Variants in RPTOR observed in about 807,000 individuals in gnomAD.
RPTOR encodes the protein regulatory-associated protein of mTOR.
Under a neutral mutation model 169.9 loss-of-function variants are expected in RPTOR, and 21 were observed. The ratio of observed to expected loss-of-function variants is 0.12; its 90% confidence interval spans 0.09 to 0.18. The LOEUF is 0.18. RPTOR is among the 10% of genes least tolerant of loss of function. RPTOR has a pLI of 1.00. For missense variants in RPTOR, 1,133 were observed against 1,855.9 expected, an observed-to-expected ratio of 0.61 and a Z score of 7.16; for synonymous variants, 732 against 753.2, an observed-to-expected ratio of 0.97 and a Z score of 0.46.
chr17:80,602,360 CTGGG>C (rs2065194403), intron 1 of RPTOR, among the ~76,000 whole-genome samples: 1 of 64,284 alleles, frequency 1.6e-5, no homozygotes, highest in African/African-American at 7.8e-5. Context: ...GGGCGGCTGG[CTGGG>C]CAGGGGGGCT....
chr17:80,905,405 T>A (rs2068527899), intron 20 of RPTOR, among the ~76,000 whole-genome samples: 1 of 144,350 alleles, frequency 6.9e-6, no homozygotes, highest in Non-Finnish European at 1.5e-5. Context: ...CCTAACACGG[T>A]GAAACCCGTC....
chr17:80,884,992 C>T lies in RPTOR; in HGVS notation c.1843-16C>T. On this transcript the variant is annotated splice_polypyrimidine_tract_variant and intron_variant, in intron 16 of 33. Transcript: ENST00000306801. ...CCCGGTGTGGGACATGCCTGTGACC[C>T]CCCGCCGCCTTGCAGGTCCGCTGCG... 2 of 1,604,018 alleles carry T rather than the reference C, an allele frequency of 1.2e-6. No homozygotes were observed. Among genetic ancestry groups the T allele is most frequent in the South Asian group, 2.3e-5 (2 of 88,580 alleles).
intron 7 of RPTOR, among the ~76,000 whole-genome samples, chr17:80,819,092 G>A (rs1413721394): frequency 6.6e-6 from 1 of 152,154 alleles, no homozygotes; most frequent in East Asian, 1.9e-4. Flanking sequence ...GCTTGTGATG[G>A]TCCCTGCACT....
At chr17:80,697,507 G>A (rs1363726376) in intron 3 of RPTOR, among the ~76,000 whole-genome samples, 4 of 152,238 alleles carry the variant, frequency 2.6e-5, no homozygotes, top group Non-Finnish European at 5.9e-5. Flanking sequence ...GAAGCACCTT[G>A]TGAGCCCCAG....
intron 7 of RPTOR, among the ~76,000 whole-genome samples, chr17:80,800,115 A>AC (rs1202918147): frequency 1.3e-5 from 2 of 152,144 alleles, no homozygotes; most frequent in Admixed American, 6.5e-5. Flanking sequence ...GTGGCACAGC[A>AC]CCACTTTCAT....
chr17:80,659,324 G>A lies in RPTOR; in HGVS notation c.348+15514G>A, dbSNP rs2065703391. On this transcript the variant is annotated intron_variant, in intron 3 of 33. Transcript: ENST00000306801. The surrounding 1 kb of genome is among the most constrained non-coding windows in gnomAD (Gnocchi z 4.3). The stretch of plus-strand genomic sequence containing the variant: ...AGAAGGGTTAGGAATACCTTAGCCA[G>A]TTTCTGTGGCTGCTTTTTTTCTTTT... Among the ~76,000 whole-genome samples the A allele has an allele frequency of 6.6e-6, 1 of 152,136 alleles. No individual in the cohort carries two copies. Among genetic ancestry groups the A allele is most frequent in the Non-Finnish European group, 1.5e-5 (1 of 68,016 alleles).
chr17:80,915,808 G>A (rs918281220), intron 21 of RPTOR, among the ~76,000 whole-genome samples: 6 of 146,956 alleles, frequency 4.1e-5, no homozygotes, highest in East Asian at 2.1e-4. Context: ...AGCAGACGTC[G>A]GGAAAACCAG....
chr17:80,779,052 G>A (rs1221872340), intron 6 of RPTOR, among the ~76,000 whole-genome samples: 2 of 152,176 alleles, frequency 1.3e-5, no homozygotes, highest in Non-Finnish European at 2.9e-5. Context: ...ATAGTCACTG[G>A]AGAAGCCGTG....
intron 5 of RPTOR, chr17:80,743,343 G>T: frequency 1.0e-6 from 1 of 985,506 alleles, no homozygotes; most frequent in South Asian, 4.7e-5. Context: ...GCCGTGCAGA[G>T]AAGAAGCCAC....
At position 80,919,929 on chromosome 17, in the gene RPTOR, C is replaced by T. The variant is rs146589852; in HGVS notation, c.2521-2795C>T. Among the ~76,000 whole-genome samples the T allele has an allele frequency of 9.7e-3, 1,475 of 152,362 alleles. 10 individuals are homozygous for T. The highest frequency in any genetic ancestry group is 0.024 in the Middle Eastern group (7 of 294). ...AGTGAGCCGGGGCTCTGGGGGTGTA[C>T]ATGCTGAGAAGGGCGCCGTGTCCTC... On this transcript the variant is annotated intron_variant, in intron 21 of 33. Coordinates refer to ENST00000306801, the MANE Select transcript of RPTOR (RefSeq NM_020761.3).
Position 80,730,512 on chromosome 17 carries a change from A to G in RPTOR, c.508-48A>G. ...ACGGTGCAGTACTCACCAGCAGCCC[A>G]TATTCCTGAGACGCACATGTAACGA... On this transcript the variant is annotated intron_variant, in intron 4 of 33. Transcript: ENST00000306801. This position sits in a 1 kb window ranked among gnomAD's most constrained non-coding sequence, Gnocchi z 4.2. 6.2e-7 allele frequency: 1 copy of G among 1,601,838 alleles called. No individual in the cohort carries two copies. The highest frequency in any genetic ancestry group is 8.5e-7 in the Non-Finnish European group (1 of 1,169,890).
intron 2 of RPTOR, among the ~76,000 whole-genome samples, chr17:80,639,635 A>G (rs918083683): frequency 6.6e-6 from 1 of 152,150 alleles, no homozygotes; most frequent in Non-Finnish European, 1.5e-5. Context: ...TTCAGGGTGG[A>G]CTGAGAAGAG....
rs148563838 is a variant in RPTOR at position 80,687,904 on chromosome 17, C to T, written c.349-19937C>T. 8.9e-3 allele frequency among the ~76,000 whole-genome samples: 1,360 copies of T among 152,302 alleles called. 22 individuals are homozygous for T. Among genetic ancestry groups the T allele is most frequent in the African/African-American group, 0.03 (1,264 of 41,552 alleles). On this transcript the variant is annotated intron_variant, in intron 3 of 33. Transcript: ENST00000306801. ...ACCCTCCATTGTCCATCGCCGCTGG[C>T]ATACCCAGGTCAGCGCCTGCAGGCC...
intron 5 of RPTOR, chr17:80,743,360 C>A: frequency 1.0e-6 from 1 of 985,404 alleles, no homozygotes; most frequent in Non-Finnish European, 1.2e-6. Flanking sequence ...CCACAAGGAC[C>A]GAGGGAGGCC....
intron 28 of RPTOR, among the ~76,000 whole-genome samples, chr17:80,951,582 C>T (rs1423512187): frequency 2.6e-5 from 4 of 152,224 alleles, no homozygotes; most frequent in Admixed American, 2.6e-4. Context: ...TTGCACAGGA[C>T]ATGGGAAACC....
chr17:80,743,275 A>G, intron 5 of RPTOR: 2 of 985,476 alleles, frequency 2.0e-6, no homozygotes, highest in Non-Finnish European at 2.4e-6. Context: ...GATGAACAAA[A>G]TGTTTCCGGG....
intron 21 of RPTOR, among the ~76,000 whole-genome samples, chr17:80,912,461 A>C (rs1285871085): frequency 6.6e-6 from 1 of 152,182 alleles, no homozygotes; most frequent in Non-Finnish European, 1.5e-5. Flanking sequence ...CCTTACTGAA[A>C]AATTAGCCTG....
intron 5 of RPTOR, among the ~76,000 whole-genome samples, chr17:80,751,857 G>T (rs1042353549): frequency 1.3e-5 from 2 of 152,182 alleles, no homozygotes; most frequent in Non-Finnish European, 2.9e-5. Flanking sequence ...CCACGACCCC[G>T]CATTAGCAGG....
At position 80,965,374 on chromosome 17, in the gene RPTOR, C is replaced by G. The variant is rs981490275; in HGVS notation, c.*1044C>G. 1.7e-5 allele frequency: 4 copies of G among 233,300 alleles called. No homozygotes were observed. The highest frequency in any genetic ancestry group is 3.4e-5 in the Non-Finnish European group (4 of 118,138). 14.5% of individuals were successfully genotyped at this position (233,300 alleles called of 1,614,324 possible). ...GCTCCGGGTGACACCAGCCCCGTCTCCAGCCTTGAGCCGCCCATGCTGATG... is the reference window on the plus strand; with the variant it reads ...GCTCCGGGTGACACCAGCCCCGTCTGCAGCCTTGAGCCGCCCATGCTGATG... On this transcript the variant is annotated 3_prime_UTR_variant, in exon 34 of 34. Coordinates refer to ENST00000306801, the MANE Select transcript of RPTOR (RefSeq NM_020761.3).
Sources: allele counts gnomAD v4.1 joint callset (sites outside exome capture counted in the v4.1 genomes callset), GRCh38; gene constraint gnomAD v4.1.1; non-coding constraint Gnocchi (gnomAD v3.1); transcripts MANE v1.5; gene names NCBI Gene and HGNC (gene_info 2026-07-23, HGNC 2026-07-21).